The following CNTNAP2 variants were observed in gnomAD, a reference collection of about 807,000 sequenced individuals.
CNTNAP2 encodes the protein contactin-associated protein-like 2.
Under a neutral mutation model 155.2 loss-of-function variants are expected in CNTNAP2, and 98 were observed. That is an observed-to-expected ratio of 0.63 (90% CI 0.54 to 0.75). The LOEUF is 0.75. Among genes scored for constraint, CNTNAP2 ranks in the 30% least tolerant of loss-of-function variants. The pLI is 0.00. For synonymous variants in CNTNAP2, 651 were observed against 631.2 expected (o/e 1.03, Z -0.47); for missense variants, 1,727 against 1,688.1 (o/e 1.02, Z -0.40).
chr7:146,992,400 C>A (rs1798224729), intron 3 of CNTNAP2, among the ~76,000 whole-genome samples: 1 of 151,798 alleles, frequency 6.6e-6, no homozygotes, highest in Non-Finnish European at 1.5e-5. Flanking sequence ...TCTTGTCACA[C>A]AACCATGAAA....
At chr7:147,103,050 A>T (rs976568744) in intron 4 of CNTNAP2, among the ~76,000 whole-genome samples, 1 of 152,134 alleles carries the variant, frequency 6.6e-6, no homozygotes, top group Non-Finnish European at 1.5e-5. Context: ...CAATCTAGTG[A>T]CTCTAATTTT....
chr7:147,663,542 C>A (rs912637722), intron 13 of CNTNAP2, among the ~76,000 whole-genome samples: 4 of 152,180 alleles, frequency 2.6e-5, no homozygotes, highest in African/African-American at 9.6e-5. Context: ...AGACCTAGTT[C>A]TTGATTTTCT....
chr7:146,128,049 G>A (rs1036103340), intron 1 of CNTNAP2, among the ~76,000 whole-genome samples: 5 of 152,076 alleles, frequency 3.3e-5, no homozygotes, highest in Non-Finnish European at 1.5e-5. Flanking sequence ...TTTCAAAGTT[G>A]GCCAGTCTAG....
rs560312072 is a variant in CNTNAP2, at chr7:148,418,602, T to G, written c.*2986T>G. 10 of 152,332 alleles carry G rather than the reference T, an allele frequency of 6.6e-5. No homozygotes were observed. The South Asian group carries it at 1.2e-3, about 19-fold the overall frequency. The allele number at this position is 152,332 out of a possible 1,614,324, so 9.4% of individuals were successfully genotyped here. A position where few individuals can be genotyped will look rare whatever the true frequency, so the allele number is the denominator to read the frequency against. On this transcript the variant is annotated 3_prime_UTR_variant, in exon 24 of 24. Coordinates refer to ENST00000361727, the MANE Select transcript of CNTNAP2 (RefSeq NM_014141.6). ...GCAAGGTTAGTGAGATCCTAAGCTC[T>G]CAAAATAGCATATTCCCTAGAGCTC...
intron 20 of CNTNAP2, among the ~76,000 whole-genome samples, chr7:148,254,890 C>G (rs576422353): frequency 2.6e-5 from 4 of 151,748 alleles, no homozygotes; most frequent in Non-Finnish European, 4.4e-5. Flanking sequence ...TTCTTCCTCC[C>G]TTTTCCACGC....
chr7:147,642,315 C>T (rs1795292518), intron 13 of CNTNAP2, among the ~76,000 whole-genome samples: 1 of 152,128 alleles, frequency 6.6e-6, no homozygotes, highest in Non-Finnish European at 1.5e-5. Context: ...AGTCAGCTTT[C>T]AGTTTTTGAA....
chr7:146,718,042 C>A (rs1277304544), intron 1 of CNTNAP2, among the ~76,000 whole-genome samples: 1 of 152,114 alleles, frequency 6.6e-6, no homozygotes, highest in Non-Finnish European at 1.5e-5. Flanking sequence ...TTTTAGGCAG[C>A]AGCCAATAAA....
intron 10 of CNTNAP2, among the ~76,000 whole-genome samples, chr7:147,474,164 C>T (rs1041785688): frequency 1.3e-5 from 2 of 152,024 alleles, no homozygotes; most frequent in African/African-American, 4.8e-5. Context: ...AAGGGACCTA[C>T]ACAGATAATG....
rs190892350 is a variant in CNTNAP2 at position 146,951,342 on chromosome 7, T to C, written c.403-92565T>C. On this transcript the variant is annotated intron_variant, in intron 3 of 23. Transcript: ENST00000361727. ...TTTTGGCTTTTGTGGCCATTGCTTT[T>C]GGTGTTTTACATATGAAGAGTTTGC... is the stretch of plus-strand genomic sequence containing the variant. 3.3e-4 allele frequency among the ~76,000 whole-genome samples: 50 copies of C among 152,326 alleles called. No individual in the cohort carries two copies. In the East Asian group the frequency reaches 8.9e-3, roughly 27 times the overall value.
In CNTNAP2 at chr7:146,746,997, A is replaced by G. The variant is rs185031736; in HGVS notation, c.98-27274A>G. On this transcript the variant is annotated intron_variant, in intron 1 of 23. Transcript: ENST00000361727. ...GAATTTATTGAATCAAAGAGTATAA[A>G]GCTCTTGATACGGAGTCCCTGAATT... Among the ~76,000 whole-genome samples, 413 of 152,284 alleles carry G rather than the reference A, an allele frequency of 2.7e-3. 1 individual carries two copies. Among genetic ancestry groups the G allele is most frequent in the African/African-American group, 9.3e-3 (386 of 41,574 alleles).
At chr7:147,570,850 T>A (rs913320438) in intron 12 of CNTNAP2, among the ~76,000 whole-genome samples, 4 of 152,220 alleles carry the variant, frequency 2.6e-5, no homozygotes, top group African/African-American at 9.6e-5. Context: ...TTCACACATA[T>A]ATAGGAACAG....
In CNTNAP2 at chr7:146,485,942, C is replaced by T. The variant is rs182394962; in HGVS notation, c.98-288329C>T. 2.0e-5 allele frequency among the ~76,000 whole-genome samples: 3 copies of T among 149,774 alleles called. No homozygotes were observed. In the East Asian group the frequency reaches 6.1e-4, roughly 31 times the overall value. On this transcript the variant is annotated intron_variant, in intron 1 of 23. Transcript: ENST00000361727. Reference sequence around the variant, plus strand: ...TACAAGTTAAATAGATTTTAATCTTCATAAAAATATGCCTTTCAAATGTAA... The same window carrying T: ...TACAAGTTAAATAGATTTTAATCTTTATAAAAATATGCCTTTCAAATGTAA...
Position 146,858,886 on chromosome 7 carries a change from A to G in CNTNAP2, c.402+18982A>G, listed in dbSNP as rs1320065317. ...TCATTTATTTGAAGTAATGTTGTAC[A>G]TGTCAGCATAAATGCCTTTCTTTCA... is the stretch of plus-strand genomic sequence containing the variant. On this transcript the variant is annotated intron_variant, in intron 3 of 23. Transcript: ENST00000361727. Among the ~76,000 whole-genome samples, 6 of 152,288 alleles carry G rather than the reference A, an allele frequency of 3.9e-5. No individual in the cohort carries two copies. In the East Asian group the frequency reaches 1.2e-3, roughly 29 times the overall value.
intron 1 of CNTNAP2, among the ~76,000 whole-genome samples, chr7:146,446,023 A>G (rs1305068964): frequency 6.6e-6 from 1 of 152,144 alleles, no homozygotes; most frequent in East Asian, 1.9e-4. Context: ...ATTTTGAAAA[A>G]GAAGAATCAC....
intron 9 of CNTNAP2, among the ~76,000 whole-genome samples, chr7:147,359,908 C>A (rs1796119305): frequency 6.6e-6 from 1 of 152,036 alleles, no homozygotes; most frequent in African/African-American, 2.4e-5. Context: ...GTTCTTTATT[C>A]ATTTGCTTAT....
intron 2 of CNTNAP2, among the ~76,000 whole-genome samples, chr7:146,823,851 T>G (rs1047564353): frequency 6.6e-6 from 1 of 152,038 alleles, no homozygotes; most frequent in African/African-American, 2.4e-5. Context: ...GACCCCGTAT[T>G]CTATAATGTC....
chr7:146,483,283 ATATATATATATATATATAT>A (rs1182260901), intron 1 of CNTNAP2, among the ~76,000 whole-genome samples: 7 of 62,724 alleles, frequency 1.1e-4, no homozygotes, highest in East Asian at 8.4e-4. Context: ...CTAAAAAAAA[ATATATATATATATATATAT>A]ATATATATAT....
At chr7:146,733,702 G>C (rs1307165438) in intron 1 of CNTNAP2, among the ~76,000 whole-genome samples, 1 of 151,998 alleles carries the variant, frequency 6.6e-6, no homozygotes, top group Non-Finnish European at 1.5e-5. Context: ...AGCCAGGACT[G>C]AGAAAGAAAT....
chr7:146,989,077 A>T (rs1414288247), intron 3 of CNTNAP2, among the ~76,000 whole-genome samples: 1 of 151,964 alleles, frequency 6.6e-6, no homozygotes, highest in Non-Finnish European at 1.5e-5. Context: ...TTTTCCCCCT[A>T]ATCTTGGCAA....
Sources: gnomAD v4.1 joint callset for allele counts (sites outside exome capture counted in the v4.1 genomes callset) on GRCh38, gnomAD v4.1.1 for gene constraint, MANE v1.5 for transcripts, NCBI Gene and HGNC (gene_info 2026-07-23, HGNC 2026-07-21) for gene names.